Variants in RIPOR1 observed in about 807,000 individuals in gnomAD.
The protein encoded by RIPOR1 is RHO family interacting cell polarization regulator 1.
Under a neutral mutation model 116.5 loss-of-function variants are expected in RIPOR1, and 58 were observed. That is an observed-to-expected ratio of 0.50 (90% CI 0.40 to 0.62). The LOEUF (loss-of-function observed/expected upper bound fraction) is 0.62. Ranked by LOEUF, RIPOR1 falls within the 20% of genes least tolerant of loss-of-function variation. The pLI, the probability that RIPOR1 is intolerant of heterozygous loss-of-function variation, is 0.00. For synonymous variants in RIPOR1, 605 were observed against 650.0 expected (o/e 0.93, Z 1.05); for missense variants, 1,372 against 1,586.2 (o/e 0.86, Z 2.29).
chr16:67,544,306 A>G lies in RIPOR1; in HGVS notation c.2608A>G (p.Ser870Gly), dbSNP rs746709247. 3.7e-6 allele frequency: 6 copies of G among 1,601,030 alleles called. No homozygotes were observed. Among genetic ancestry groups the G allele is most frequent in the South Asian group, 1.1e-5 (1 of 90,824 alleles). ...DNDVPGDRPP[S>G]SPEAGAEDSI... ...ACCCCATTTTTCCCTCAGGCCTCCA[A>G]GCAGCCCGGAGGCTGGGGCTGAGGA... Residue 870 changes from serine (S) to glycine (G), a missense_variant, in exon 15 of 22, where the codon AGC becomes GGC. Transcript: ENST00000042381. The surrounding 1 kb of genome is among the most constrained non-coding windows in gnomAD (Gnocchi z 5.1).
Position 67,544,482 on chromosome 16 carries a change from G to A in RIPOR1, c.2733+51G>A, listed in dbSNP as rs1297239669. ...CTTCCTTTGTAACCCCTAACCCCAG[G>A]GAGTCCTGCCCTTCCATCCTGGTCC... On this transcript the variant is annotated intron_variant, in intron 15 of 21. Coordinates refer to ENST00000042381, the MANE Select transcript of RIPOR1 (RefSeq NM_024519.4). The surrounding 1 kb of genome is among the most constrained non-coding windows in gnomAD (Gnocchi z 5.1). The A allele has an allele frequency of 6.4e-7, 1 of 1,573,136 alleles. No individual in the cohort carries two copies. Among genetic ancestry groups the A allele is most frequent in the African/African-American group, 1.3e-5 (1 of 74,430 alleles).
chr16:67,528,874 C>A lies in RIPOR1; in HGVS notation c.-64C>A, dbSNP rs1393252963. ...CGCGACCAGGCCGGGCACCTCCGAG[C>A]GCAAGGACAGCGCGAGGTCCGCGCA... is the stretch of plus-strand genomic sequence containing the variant. On this transcript the variant is annotated 5_prime_UTR_variant, in exon 1 of 22. Transcript: ENST00000042381. The A allele has an allele frequency of 1.1e-5, 2 of 175,358 alleles. No individual in the cohort carries two copies. Among genetic ancestry groups the A allele is most frequent in the Non-Finnish European group, 1.2e-5 (1 of 81,078 alleles). The allele number at this position is 175,358 out of a possible 1,614,324, so 10.9% of individuals were successfully genotyped here.
At chr16:67,522,031 G>A (rs1247798522) in intron 1 of RIPOR1, among the ~76,000 whole-genome samples, 2 of 151,908 alleles carry the variant, frequency 1.3e-5, no homozygotes, top group East Asian at 3.9e-4. Context: ...GTTTTTTGTT[G>A]TTGTTGTTGT....
Position 67,537,504 on chromosome 16 carries a change from C to A in RIPOR1, c.-23-920C>A. ...GCTGGGAGCGAGCCCGGAGCCCAGC[C>A]GGGCGGCTCGAAGTGGCCAGGGCCG... On this transcript the variant is annotated intron_variant, in intron 1 of 21. Transcript: ENST00000042381. The surrounding 1 kb of genome is among the most constrained non-coding windows in gnomAD (Gnocchi z 4.6). 7.9e-7 allele frequency: 1 copy of A among 1,273,190 alleles called. No individual in the cohort carries two copies. Among genetic ancestry groups the A allele is most frequent in the Non-Finnish European group, 9.9e-7 (1 of 1,008,098 alleles). 78.9% of individuals were successfully genotyped at this position (1,273,190 alleles called of 1,614,324 possible). A position where few individuals can be genotyped will look rare whatever the true frequency, so the allele number is the denominator to read the frequency against.
Position 67,537,545 on chromosome 16 carries a change from G to A in RIPOR1, c.-23-879G>A, listed in dbSNP as rs1018618983. 10 of 1,356,068 alleles carry A rather than the reference G, an allele frequency of 7.4e-6. No homozygotes were observed. Among genetic ancestry groups the A allele is most frequent in the East Asian group, 6.1e-5 (2 of 32,540 alleles). The allele number at this position is 1,356,068 out of a possible 1,614,324, so 84.0% of individuals were successfully genotyped here. Reference sequence around the variant, plus strand: ...GCCAGGGCCGGAAGGTCCGCGGGGGGCGAGCGCGGGTCGGGGGCCGTCCCG... The same window carrying A: ...GCCAGGGCCGGAAGGTCCGCGGGGGACGAGCGCGGGTCGGGGGCCGTCCCG... On this transcript the variant is annotated intron_variant, in intron 1 of 21. Coordinates refer to ENST00000042381, the MANE Select transcript of RIPOR1 (RefSeq NM_024519.4). This position sits in a 1 kb window ranked among gnomAD's most constrained non-coding sequence, Gnocchi z 4.6.
chr16:67,539,580 AC>A (rs1249770133), intron 4 of RIPOR1, 147 bp from the exon 5 acceptor site: 44 of 953,528 alleles, frequency 4.6e-5, no homozygotes, highest in Admixed American at 6.9e-5. Flanking sequence ...CAAGGGCTAG[AC>A]CAGCAGGAAG....
chr16:67,541,943 C>T lies in RIPOR1; in HGVS notation c.1157C>T (p.Ser386Phe). 2.5e-6 allele frequency: 4 copies of T among 1,612,190 alleles called. No homozygotes were observed. The highest frequency in any genetic ancestry group is 3.4e-6 in the Non-Finnish European group (4 of 1,179,602). ...TCATCTGAATCTTCAGACGACTCAT[C>T]CAGCCCACAGCTCTCAGGCACTGCC... The part of the protein sequence containing the change: ...SLSSESSDDS[S>F]SPQLSGTARH... The change falls in exon 13 of 22, where the codon TCC becomes TTC. Residue 386 changes from serine (S) to phenylalanine (F), a missense_variant. Physicochemically the swap from Ser to Phe is radical, Grantham distance 155 (BLOSUM62 -2). Transcript: ENST00000042381. The surrounding 1 kb of genome is among the most constrained non-coding windows in gnomAD (Gnocchi z 4.6).
upstream of RIPOR1, among the ~76,000 whole-genome samples, chr16:67,527,246 A>G (rs1452495365): frequency 6.6e-6 from 1 of 150,408 alleles, no homozygotes; most frequent in Admixed American, 6.6e-5. Context: ...CAACATGGTG[A>G]AACCCCATCT....
rs746474180 is a variant in RIPOR1 at position 67,542,502 on chromosome 16, C to G, written c.1716C>G (p.Gly572=). ...GCCCCCTCACTCACACTACTACAGGCTCCACCCACAAGCCCATAATCTCTA... is the reference window on the plus strand; with the variant it reads ...GCCCCCTCACTCACACTACTACAGGGTCCACCCACAAGCCCATAATCTCTA... ...APSPLTHTTT[G]STHKPIISTL... Residue 572 remains glycine, a synonymous_variant, in exon 13 of 22, where the codon GGC becomes GGG. Transcript: ENST00000042381. This position sits in a 1 kb window ranked among gnomAD's most constrained non-coding sequence, Gnocchi z 4.6. 1.2e-5 allele frequency: 20 copies of G among 1,613,856 alleles called. No homozygotes were observed. The highest frequency in any genetic ancestry group is 1.6e-5 in the Non-Finnish European group (19 of 1,179,968).
upstream of RIPOR1, among the ~76,000 whole-genome samples, chr16:67,526,064 G>A (rs989622695): frequency 3.3e-5 from 5 of 152,150 alleles, no homozygotes; most frequent in African/African-American, 1.2e-4. Context: ...GAAGAGCCAG[G>A]TGAACTCCCA....
chr16:67,524,273 C>T (rs2050522561), upstream of RIPOR1, among the ~76,000 whole-genome samples: 1 of 152,200 alleles, frequency 6.6e-6, no homozygotes, highest in African/African-American at 2.4e-5. Flanking sequence ...TGTCTTTTGA[C>T]ACACACAAAG....
chr16:67,546,032 G>A lies in RIPOR1; in HGVS notation c.3471G>A (p.Lys1157=). Residue 1157 remains lysine (K), a splice_region_variant and synonymous_variant, in exon 20 of 22, where the codon AAG becomes AAA. Transcript: ENST00000042381. ...GCTGCCTGGCCCTAGGCTGCATCAA[G>A]GTGACCCCTGCCAACCCTCCCACCC... The part of the protein sequence containing the change: ...VAGCLALGCI[K]APEGIEPLVY... 6.2e-7 allele frequency: 1 copy of A among 1,612,856 alleles called. No individual in the cohort carries two copies. The highest frequency in any genetic ancestry group is 8.5e-7 in the Non-Finnish European group (1 of 1,179,970).
chr16:67,545,477 G>A lies in RIPOR1; in HGVS notation c.3133G>A (p.Val1045Met). The A allele has an allele frequency of 1.2e-6, 2 of 1,614,040 alleles. No homozygotes were observed. The highest frequency in any genetic ancestry group is 2.2e-5 in the East Asian group (1 of 44,884). ...QLTVFQFWSF[V>M]ETLDSPTMEA... ...CACAGTCTTCCAGTTCTGGAGTTTT[G>A]TGGAAACCTTGGACAGCCCCACCAT... Residue 1045 changes from valine to methionine, a missense_variant, in exon 18 of 22, where the codon GTG becomes ATG. Coordinates refer to ENST00000042381, the MANE Select transcript of RIPOR1 (RefSeq NM_024519.4). The surrounding 1 kb of genome is among the most constrained non-coding windows in gnomAD (Gnocchi z 4.8).
chr16:67,543,709 T>A lies in RIPOR1; in HGVS notation c.2600+240T>A. 1.7e-6 allele frequency: 1 copy of A among 579,384 alleles called. No homozygotes were observed. Among genetic ancestry groups the A allele is most frequent in the Non-Finnish European group, 3.1e-6 (1 of 326,872 alleles). 35.9% of individuals were successfully genotyped at this position (579,384 alleles called of 1,614,324 possible). ...GTCCCCAGTGCTTCTGACCGCCCTC[T>A]TCATCTCTGCAATGTCTGCCTCCCC... On this transcript the variant is annotated intron_variant, in intron 14 of 21. Transcript: ENST00000042381. The surrounding 1 kb of genome is among the most constrained non-coding windows in gnomAD (Gnocchi z 4.7).
chr16:67,518,806 G>T (rs916675636), intron 1 of RIPOR1, among the ~76,000 whole-genome samples: 1 of 152,220 alleles, frequency 6.6e-6, no homozygotes, highest in Non-Finnish European at 1.5e-5. Context: ...AGCAGAGCAG[G>T]TGGCGCTCTT....
At chr16:67,527,974 T>C (rs1384535947), upstream of RIPOR1, among the ~76,000 whole-genome samples, 1 of 151,938 alleles carries the variant, frequency 6.6e-6, no homozygotes, top group Non-Finnish European at 1.5e-5. Context: ...TTACTGTCCC[T>C]GAAACCATTC....
rs536773788 is a variant in RIPOR1, at chr16:67,529,140, C to G, written c.-24+226C>G. On this transcript the variant is annotated intron_variant, in intron 1 of 21. Coordinates refer to ENST00000042381, the MANE Select transcript of RIPOR1 (RefSeq NM_024519.4). This position sits in a 1 kb window ranked among gnomAD's most constrained non-coding sequence, Gnocchi z 4.1. ...GCCGCCGCCTCCGGGCCTGCAGAGC[C>G]TGGCGCTGCTGCCTTCCTCCCACGG... Among the ~76,000 whole-genome samples, 15 of 152,210 alleles carry G rather than the reference C, an allele frequency of 9.9e-5. No individual in the cohort carries two copies. Among genetic ancestry groups the G allele is most frequent in the Non-Finnish European group, 2.2e-4 (15 of 68,022 alleles).
Position 67,543,701 on chromosome 16 carries a change from C to A in RIPOR1, c.2600+232C>A. 1 of 601,166 alleles carries A rather than the reference C, an allele frequency of 1.7e-6. No individual in the cohort carries two copies. The highest frequency in any genetic ancestry group is 2.9e-5 in the Admixed American group (1 of 35,076). 37.2% of individuals were successfully genotyped at this position (601,166 alleles called of 1,614,324 possible). A position where few individuals can be genotyped will look rare whatever the true frequency, so the allele number is the denominator to read the frequency against. ...CTACGTGTGTCCCCAGTGCTTCTGA[C>A]CGCCCTCTTCATCTCTGCAATGTCT... is the stretch of plus-strand genomic sequence containing the variant. On this transcript the variant is annotated intron_variant, in intron 14 of 21. Transcript: ENST00000042381. The surrounding 1 kb of genome is among the most constrained non-coding windows in gnomAD (Gnocchi z 4.7).
At position 67,543,631 on chromosome 16, in the gene RIPOR1, C is replaced by A; in HGVS notation, c.2600+162C>A. On this transcript the variant is annotated intron_variant, in intron 14 of 21. Transcript: ENST00000042381. The surrounding 1 kb of genome is among the most constrained non-coding windows in gnomAD (Gnocchi z 4.7). ...GAGGACTGAGTTGCTGGCAGGTGCA[C>A]CTGTGTCCACCCCTCCCATGTCCTT... is the stretch of plus-strand genomic sequence containing the variant. 1 of 918,164 alleles carries A rather than the reference C, an allele frequency of 1.1e-6. No individual in the cohort carries two copies. The highest frequency in any genetic ancestry group is 1.7e-6 in the Non-Finnish European group (1 of 604,958). The allele number at this position is 918,164 out of a possible 1,614,324, so 56.9% of individuals were successfully genotyped here. A position where few individuals can be genotyped will look rare whatever the true frequency, so the allele number is the denominator to read the frequency against.
Sources: allele counts gnomAD v4.1 joint callset (sites outside exome capture counted in the v4.1 genomes callset), GRCh38; gene constraint gnomAD v4.1.1; non-coding constraint Gnocchi (gnomAD v3.1); transcripts MANE v1.5; gene names NCBI Gene and HGNC (gene_info 2026-07-23, HGNC 2026-07-21).